Variants in AXIN1 observed in about 807,000 individuals in gnomAD.
AXIN1 encodes axin-1.
A neutral mutation model predicts 76.4 loss-of-function variants in AXIN1; 30 were observed. The ratio of observed to expected loss-of-function variants is 0.39; its 90% CI spans 0.29 to 0.53. The LOEUF (loss-of-function observed/expected upper bound fraction) is 0.53, where lower values mean the gene tolerates loss of function less well. Ranked by LOEUF, AXIN1 falls within the 20% of genes least tolerant of loss-of-function variation. The pLI is 0.66. For synonymous variants in AXIN1, 545 were observed against 501.4 expected (o/e 1.09, Z -1.16); for missense variants, 1,140 against 1,198.8 (o/e 0.95, Z 0.72).
intron 2 of AXIN1, among the ~76,000 whole-genome samples, chr16:336,551 G>C (rs936557289): frequency 6.6e-6 from 1 of 152,146 alleles, no homozygotes; most frequent in African/African-American, 2.4e-5. Flanking sequence ...GCTGGGCGCG[G>C]TGCCTCACAC....
In AXIN1 at chr16:287,948, T is replaced by TG; in HGVS notation, c.*173dup. ...TCCTTGGGGGCAGGACAGAAGCTTG[T>TG]GGACCACTTGGAGGGACCCCCTACC... On this transcript the variant is annotated 3_prime_UTR_variant, in exon 11 of 11. Transcript: ENST00000262320. 9.5e-7 allele frequency: 1 copy of TG among 1,054,022 alleles called. No homozygotes were observed. The highest frequency in any genetic ancestry group is 1.4e-6 in the Non-Finnish European group (1 of 698,616). 65.3% of individuals were successfully genotyped at this position (1,054,022 alleles called of 1,614,324 possible).
chr16:323,775 A>AT (rs1457273154), intron 2 of AXIN1, among the ~76,000 whole-genome samples: 1 of 120,920 alleles, frequency 8.3e-6, no homozygotes, highest in African/African-American at 3.5e-5. Context: ...GTGAGACTCC[A>AT]CCACACACAC....
rs146947903 is a variant in AXIN1, at chr16:298,021, G to C, written c.1485C>G (p.Asp495Glu). Residue 495 changes from aspartate (D) to glutamate (E), a missense_variant, in exon 6 of 11, where the codon GAC becomes GAG. Coordinates refer to ENST00000262320, the MANE Select transcript of AXIN1 (RefSeq NM_003502.4). ...QSPGPGHRSP[D>E]SGHVAKMPVA... Reference sequence around the variant, plus strand: ...CTGGCATCTTGGCCACGTGCCCACTGTCCGGGGAGCGATGGCCAGGCCCAG... The same window carrying C: ...CTGGCATCTTGGCCACGTGCCCACTCTCCGGGGAGCGATGGCCAGGCCCAG... The C allele has an allele frequency of 7.6e-3, 12,129 of 1,595,368 alleles. 74 individuals are homozygous for C. Among genetic ancestry groups the C allele is most frequent in the Non-Finnish European group, 9.0e-3 (10,615 of 1,176,456 alleles).
At chr16:316,602 G>A (rs542898721) in intron 2 of AXIN1, among the ~76,000 whole-genome samples, 3 of 152,164 alleles carry the variant, frequency 2.0e-5, no homozygotes, top group Admixed American at 6.5e-5. Context: ...CGCACAGAGC[G>A]GTAAGACTGC....
At chr16:351,665 G>A (rs1418105950) in intron 1 of AXIN1, among the ~76,000 whole-genome samples, 1 of 151,912 alleles carries the variant, frequency 6.6e-6, no homozygotes, top group East Asian at 1.9e-4. Flanking sequence ...CCAACACCTT[G>A]GAAGGCTGAG....
In AXIN1 at chr16:298,272, C is replaced by A. The variant is rs975441164; in HGVS notation, c.1255-21G>T. Reference sequence around the variant, plus strand: ...TCCTCCTGTGTGGGGACAAGCAGCACCATCACCTCTCAGCACCAGCTGCAC... The same window carrying A: ...TCCTCCTGTGTGGGGACAAGCAGCAACATCACCTCTCAGCACCAGCTGCAC... On this transcript the variant is annotated intron_variant, in intron 5 of 10. Transcript: ENST00000262320. 3.3e-6 allele frequency: 5 copies of A among 1,537,546 alleles called. No individual in the cohort carries two copies. The African/African-American group carries it at 6.8e-5, about 21-fold the overall frequency.
At chr16:290,931 G>T in intron 9 of AXIN1, 1 of 555,260 alleles carries the variant, frequency 1.8e-6, no homozygotes, top group Non-Finnish European at 3.3e-6. Flanking sequence ...GGATGCAGGG[G>T]CTGGCTGTGC....
At chr16:320,743 AT>A (rs71299927) in intron 2 of AXIN1, among the ~76,000 whole-genome samples, 91 of 107,626 alleles carry the variant, frequency 8.5e-4, no homozygotes, top group Admixed American at 1.2e-3. Context: ...ATATATATAT[AT>A]TTTTTTTTTT....
intron 2 of AXIN1, among the ~76,000 whole-genome samples, chr16:344,731 C>T (rs1378923824): frequency 2.6e-5 from 4 of 152,100 alleles, no homozygotes; most frequent in Admixed American, 6.5e-5. Context: ...TCAGGTGATT[C>T]GCCCGCCTCG....
chr16:313,635 T>C (rs2053233478), intron 3 of AXIN1, among the ~76,000 whole-genome samples: 1 of 152,022 alleles, frequency 6.6e-6, no homozygotes, highest in African/African-American at 2.4e-5. Flanking sequence ...GGTGGGCAGG[T>C]GGCGTGTGGC....
intron 8 of AXIN1, 140 bp from the exon 9 acceptor site, chr16:291,437 A>G: frequency 2.7e-6 from 2 of 734,424 alleles, no homozygotes; most frequent in Admixed American, 2.0e-5. Context: ...TCCAGTTTGC[A>G]GGGTAGACAA....
intron 4 of AXIN1, 23 bp from the exon 5 acceptor site, chr16:304,464 G>A (rs770827037): frequency 1.6e-5 from 25 of 1,612,412 alleles, no homozygotes; most frequent in Non-Finnish European, 2.0e-5. Context: ...GGACTGTGAG[G>A]CACGGGGGTT....
rs1434616640 is a variant in AXIN1, at chr16:309,973, G to A, written c.1116C>T (p.Pro372=). ...VNGRVPLPHI[P]RTYRVPKEVR... Reference sequence around the variant, plus strand: ...TGAGGACCGCAAAGCCGGTACTTACGGGAATGTGAGGTAGGGGCACCCGCC... The same window carrying A: ...TGAGGACCGCAAAGCCGGTACTTACAGGAATGTGAGGTAGGGGCACCCGCC... Residue 372 remains proline, a splice_region_variant and synonymous_variant, in exon 4 of 11, where the codon CCC becomes CCT. Coordinates refer to ENST00000262320, the MANE Select transcript of AXIN1 (RefSeq NM_003502.4). 11 of 1,613,226 alleles carry A rather than the reference G, an allele frequency of 6.8e-6. No individual in the cohort carries two copies. Among genetic ancestry groups the A allele is most frequent in the African/African-American group, 1.3e-5 (1 of 75,074 alleles).
chr16:314,018 C>T lies in AXIN1; in HGVS notation c.1019+525G>A, dbSNP rs1033712496. ...TACTGCACCAGCGTCGGCAGAAACG[C>T]CACCCTCAGGGACCACATCACTCGC... On this transcript the variant is annotated intron_variant, in intron 3 of 10. Coordinates refer to ENST00000262320, the MANE Select transcript of AXIN1 (RefSeq NM_003502.4). 4.6e-5 allele frequency among the ~76,000 whole-genome samples: 7 copies of T among 152,248 alleles called. No individual in the cohort carries two copies. In the East Asian group the frequency reaches 1.3e-3, roughly 29 times the overall value.
At chr16:300,845 C>A (rs530810764) in intron 5 of AXIN1, among the ~76,000 whole-genome samples, 1 of 152,146 alleles carries the variant, frequency 6.6e-6, no homozygotes, top group Non-Finnish European at 1.5e-5. Context: ...TGATGCCGTT[C>A]ACTGCCTTGG....
chr16:337,974 G>A (rs1203620039), intron 2 of AXIN1, among the ~76,000 whole-genome samples: 1 of 152,234 alleles, frequency 6.6e-6, no homozygotes, highest in Non-Finnish European at 1.5e-5. Context: ...GGTTCTGAGA[G>A]AACCCTGAGT....
At chr16:328,833 C>T (rs1597085785) in intron 2 of AXIN1, among the ~76,000 whole-genome samples, 1 of 152,168 alleles carries the variant, frequency 6.6e-6, no homozygotes, top group Non-Finnish European at 1.5e-5. Flanking sequence ...TGTGGCCGGG[C>T]ACCCTGTCCT....
At chr16:324,445 G>C (rs2053534469) in intron 2 of AXIN1, among the ~76,000 whole-genome samples, 1 of 152,168 alleles carries the variant, frequency 6.6e-6, no homozygotes, top group Admixed American at 6.5e-5. Context: ...GGTCCTCCGG[G>C]GAGGTTTGCA....
intron 2 of AXIN1, among the ~76,000 whole-genome samples, chr16:334,393 A>G (rs565331319): frequency 0.022 from 3,291 of 148,596 alleles, 108 homozygotes; most frequent in African/African-American, 0.08. Flanking sequence ...CAGCATGCCA[A>G]TAACCCAGCA....
Sources: allele counts gnomAD v4.1 joint callset (sites outside exome capture counted in the v4.1 genomes callset), GRCh38; gene constraint gnomAD v4.1.1; transcripts MANE v1.5; gene names NCBI Gene and HGNC (gene_info 2026-07-23, HGNC 2026-07-21).